The following TICRR variants were observed in gnomAD, a reference collection of about 807,000 sequenced individuals.
TICRR encodes the protein TOPBP1 interacting checkpoint and replication regulator, also known as treslin.
In TICRR, 132 loss-of-function variants were observed where a neutral mutation model predicts 178.1. The observed-to-expected ratio is 0.74, with a 90% CI of 0.64 to 0.86. TICRR has a LOEUF of 0.86. Among genes scored for constraint, TICRR ranks in the 40% least tolerant of loss-of-function variants. TICRR has a pLI of 0.00. For missense variants in TICRR, 2,587 were observed against 2,334.3 expected (o/e 1.11, Z -2.23); for synonymous variants, 991 against 900.7 (o/e 1.10, Z -1.79).
At chr15:89,603,625 T>G (rs915373594) in intron 13 of TICRR, among the ~76,000 whole-genome samples, 4 of 152,136 alleles carry the variant, frequency 2.6e-5, no homozygotes, top group African/African-American at 9.7e-5. Context: ...GAATAACAAG[T>G]TTTTTGAAAA....
intron 1 of TICRR, among the ~76,000 whole-genome samples, chr15:89,576,554 T>G (rs774744442): frequency 4.6e-5 from 7 of 151,974 alleles, no homozygotes; most frequent in Non-Finnish European, 8.8e-5. Flanking sequence ...TTGTTTTGTG[T>G]TATGTGTGTT....
chr15:89,601,718 C>A lies in TICRR; in HGVS notation c.2328-19C>A, dbSNP rs775434519. 26 of 1,613,746 alleles carry A rather than the reference C, an allele frequency of 1.6e-5. No homozygotes were observed. Among genetic ancestry groups the A allele is most frequent in the Non-Finnish European group, 2.1e-5 (25 of 1,179,876 alleles). ...GGTAAGATGGTAACTGTTCCGTATT[C>A]GATCAATCTGTTCCACAGGTATATT... On this transcript the variant is annotated intron_variant, in intron 11 of 21. Coordinates refer to ENST00000268138, the MANE Select transcript of TICRR (RefSeq NM_152259.4).
Position 89,577,599 on chromosome 15 carries a change from C to CTTTTTT in TICRR, c.654+1381_654+1386dup, listed in dbSNP as rs71151513. On this transcript the variant is annotated intron_variant, in intron 1 of 21. Coordinates refer to ENST00000268138, the MANE Select transcript of TICRR (RefSeq NM_152259.4). ...ATACAGAGTGGTAGTGAGGGAAGGCCTTTTTTTTTTTTTTTTTTTTTTTTT... is the reference window on the plus strand; with the variant it reads ...ATACAGAGTGGTAGTGAGGGAAGGCCTTTTTTTTTTTTTTTTTTTTTTTTTTTTTTT... Among the ~76,000 whole-genome samples the CTTTTTT allele has an allele frequency of 2.5e-4, 15 of 60,872 alleles. 1 individual carries two copies. The highest frequency in any genetic ancestry group is 3.2e-4 in the Non-Finnish European group (12 of 37,812). The allele number at this position is 60,872 out of a possible 152,430, so 39.9% of individuals were successfully genotyped here. A position where few individuals can be genotyped will look rare whatever the true frequency, so the allele number is the denominator to read the frequency against.
chr15:89,601,935 T>C lies in TICRR; in HGVS notation c.2526T>C (p.Asp842=). The C allele has an allele frequency of 6.2e-7, 1 of 1,614,184 alleles. No individual in the cohort carries two copies. The highest frequency in any genetic ancestry group is 8.5e-7 in the Non-Finnish European group (1 of 1,180,032). Reference sequence around the variant, plus strand: ...CAGTGTCAGGCAGCCCTGAATCTGATGAACTGCAGGAACTTCGTACCAGAT... The same window carrying C: ...CAGTGTCAGGCAGCCCTGAATCTGACGAACTGCAGGAACTTCGTACCAGAT... ...RRSVSGSPES[D]ELQELRTRSA... Residue 842 remains aspartate, a synonymous_variant, in exon 12 of 22, where the codon GAT becomes GAC. Coordinates refer to ENST00000268138, the MANE Select transcript of TICRR (RefSeq NM_152259.4).
Position 89,625,616 on chromosome 15 carries a change from G to A in TICRR, c.5306G>A (p.Gly1769Glu). The change falls in exon 20 of 22, where the codon GGG becomes GAG. Residue 1769 changes from glycine (G) to glutamate (E), a missense_variant. Transcript: ENST00000268138. The stretch of plus-strand genomic sequence containing the variant: ...GAAGCCTCTTCCTGGGGACAGTTTG[G>A]GTTGAGTTCCAGGAAGAGAGTCCTG... The part of the protein sequence containing the change: ...AEEASSWGQF[G>E]LSSRKRVLLA... 6.2e-7 allele frequency: 1 copy of A among 1,613,268 alleles called. No homozygotes were observed. Among genetic ancestry groups the A allele is most frequent in the East Asian group, 2.2e-5 (1 of 44,876 alleles).
rs562640910 is a variant in TICRR at position 89,606,004 on chromosome 15, A to G, written c.2665-764A>G. On this transcript the variant is annotated intron_variant, in intron 13 of 21. Transcript: ENST00000268138. ...ATATGGCTTTTCCCTTATTAGGTAT[A>G]AAAGGTATGCATGATTATCGTTAAA... is the stretch of plus-strand genomic sequence containing the variant. Among the ~76,000 whole-genome samples, 4 of 152,266 alleles carry G rather than the reference A, an allele frequency of 2.6e-5. No individual in the cohort carries two copies. The South Asian group carries it at 8.3e-4, about 32-fold the overall frequency.
At chr15:89,599,261 C>G in intron 7 of TICRR, 63 bp from the exon 8 acceptor site, 9 of 1,376,396 alleles carry the variant, frequency 6.5e-6, no homozygotes, top group Non-Finnish European at 7.9e-6. Context: ...CAACAACTGG[C>G]CTAAGTAATA....
intron 7 of TICRR, among the ~76,000 whole-genome samples, chr15:89,598,630 T>A (rs1399871430): frequency 6.6e-6 from 1 of 150,856 alleles, no homozygotes; most frequent in Non-Finnish European, 1.5e-5. Context: ...TCCCAAACTG[T>A]TAGGATTACA....
At chr15:89,601,153 A>G (rs1266238176) in intron 9 of TICRR, 145 bp from the exon 10 acceptor site, 3 of 605,882 alleles carry the variant, frequency 5.0e-6, no homozygotes, top group Admixed American at 3.3e-5. Flanking sequence ...TATTTATCTA[A>G]TAACTACATC....
Position 89,575,659 on chromosome 15 carries a change from C to A in TICRR, c.73C>A (p.Arg25=). ...GGAARHSRVR[R]AALRLLTYLS... ...CGCCGCCCGCCACAGCCGGGTCCGG[C>A]GGGCCGCCCTGCGCCTCCTCACCTA... The change falls in exon 1 of 22, where the codon CGG becomes AGG. Residue 25 remains arginine, a synonymous_variant. Coordinates refer to ENST00000268138, the MANE Select transcript of TICRR (RefSeq NM_152259.4). 4 of 1,574,346 alleles carry A rather than the reference C, an allele frequency of 2.5e-6. No homozygotes were observed. The highest frequency in any genetic ancestry group is 1.8e-5 in the Admixed American group (1 of 54,772).
chr15:89,620,356 G>A (rs1380232658), intron 18 of TICRR, among the ~76,000 whole-genome samples: 1 of 152,086 alleles, frequency 6.6e-6, no homozygotes, highest in Non-Finnish European at 1.5e-5. Flanking sequence ...CTACAGGCAT[G>A]CACCACCACG....
intron 2 of TICRR, among the ~76,000 whole-genome samples, chr15:89,583,729 G>A (rs1028247449): frequency 3.9e-5 from 6 of 151,946 alleles, no homozygotes; most frequent in Non-Finnish European, 7.4e-5. Context: ...AGGCTGGAGT[G>A]CAGTGGTACG....
chr15:89,618,230 G>C lies in TICRR; in HGVS notation c.3019+20G>C, dbSNP rs8026550. On this transcript the variant is annotated intron_variant, in intron 17 of 21. Coordinates refer to ENST00000268138, the MANE Select transcript of TICRR (RefSeq NM_152259.4). ...GAGATGGTGAGTGTTATCTCTTTTT[G>C]TTTTTAATGCAATCTACCCAGCTTC... 3.9e-3 allele frequency: 6,313 copies of C among 1,609,862 alleles called. 234 individuals are homozygous for C. The African/African-American group carries it at 0.075, about 19-fold the overall frequency.
In TICRR at chr15:89,624,118, C is replaced by G; in HGVS notation, c.3808C>G (p.His1270Asp). ...TCAGAATCAAACACACCAACAGCCC[C>G]ATGTCCTCAGAGCTGCTCGGGCAGA... Reference protein sequence around the residue: ...TPQNQTHQQPHVLRAARAEEP... With the variant: ...TPQNQTHQQPDVLRAARAEEP... Residue 1270 changes from histidine to aspartate, a missense_variant, in exon 20 of 22, where the codon CAT (histidine) becomes GAT (aspartate). Physicochemically the swap from His to Asp is moderately conservative, Grantham distance 81 (BLOSUM62 -1). Coordinates refer to ENST00000268138, the MANE Select transcript of TICRR (RefSeq NM_152259.4). The G allele has an allele frequency of 1.2e-6, 2 of 1,613,948 alleles. No homozygotes were observed. Among genetic ancestry groups the G allele is most frequent in the Non-Finnish European group, 1.7e-6 (2 of 1,180,018 alleles).
At chr15:89,586,158 C>T (rs1281137069) in intron 4 of TICRR, among the ~76,000 whole-genome samples, 1 of 152,038 alleles carries the variant, frequency 6.6e-6, no homozygotes, top group African/African-American at 2.4e-5. Flanking sequence ...AGTCTGAAAT[C>T]GAAGTCATGG....
rs1237964221 is a variant in TICRR, at chr15:89,585,635, CTT to C, written c.1177-70_1177-69del. The C allele has an allele frequency of 3.9e-6, 4 of 1,035,750 alleles. No individual in the cohort carries two copies. The Admixed American group carries it at 8.0e-5, about 21-fold the overall frequency. The allele number at this position is 1,035,750 out of a possible 1,614,324, so 64.2% of individuals were successfully genotyped here. On this transcript the variant is annotated intron_variant, in intron 3 of 21. Coordinates refer to ENST00000268138, the MANE Select transcript of TICRR (RefSeq NM_152259.4). ...ATAATTGGGAAAATGGTTATTCTGT[CTT>C]TTAGTACACTACATTCTTCTTTAGG...
At chr15:89,623,576 C>A in intron 19 of TICRR, 47 bp from the exon 20 acceptor site, 1 of 1,539,820 alleles carries the variant, frequency 6.5e-7, no homozygotes, top group East Asian at 2.3e-5. Flanking sequence ...CTTCAGAGAT[C>A]ATGAGTTATA....
At chr15:89,593,240 G>T (rs546189697) in intron 5 of TICRR, among the ~76,000 whole-genome samples, 1 of 152,254 alleles carries the variant, frequency 6.6e-6, no homozygotes, top group Non-Finnish European at 1.5e-5. Context: ...TGAGTCATCC[G>T]ATCCATGAAC....
intron 1 of TICRR, chr15:89,582,167 TACA>T (rs2141952194): frequency 6.6e-6 from 1 of 152,494 alleles, no homozygotes; most frequent in Admixed American, 6.5e-5. Flanking sequence ...CTACTAAAAA[TACA>T]ACAATTAGGC....
Sources: gnomAD v4.1 joint callset for allele counts (sites outside exome capture counted in the v4.1 genomes callset) on GRCh38, gnomAD v4.1.1 for gene constraint, MANE v1.5 for transcripts, NCBI Gene and HGNC (gene_info 2026-07-23, HGNC 2026-07-21) for gene names.